The following MSRA variants were observed in gnomAD, a reference collection of about 807,000 sequenced individuals.
MSRA encodes mitochondrial peptide methionine sulfoxide reductase.
A neutral mutation model predicts 31.3 loss-of-function variants in MSRA; 54 were observed. The ratio of observed to expected loss-of-function variants is 1.73; its 90% confidence interval spans 1.39 to 2.17. The LOEUF (loss-of-function observed/expected upper bound fraction) is 2.17. Ranked by LOEUF, MSRA falls within the 30% of genes most tolerant of loss-of-function variation. MSRA has a pLI of 0.00. For synonymous variants in MSRA, 169 were observed against 116.5 expected, an observed-to-expected ratio of 1.45 and a Z score of -2.90; for missense variants, 507 against 300.9, an observed-to-expected ratio of 1.69 and a Z score of -5.07.
At chr8:10,416,787 G>A (rs2129192188) in intron 5 of MSRA, among the ~76,000 whole-genome samples, 1 of 152,358 alleles carries the variant, frequency 6.6e-6, no homozygotes, top group Admixed American at 6.5e-5. Context: ...AAACTTTGCA[G>A]GCTGTCTGAG....
chr8:10,095,620 T>C, intron 1 of MSRA: 1 of 988,920 alleles, frequency 1.0e-6, no homozygotes, highest in Non-Finnish European at 1.2e-6. Flanking sequence ...AAGGCAAGAC[T>C]TGGCACAGCT....
chr8:10,308,150 T>C (rs897726731), intron 4 of MSRA, among the ~76,000 whole-genome samples: 3 of 152,206 alleles, frequency 2.0e-5, no homozygotes, highest in South Asian at 2.1e-4. Context: ...CAAGAACTCT[T>C]GTTTAAAGTA....
intron 2 of MSRA, among the ~76,000 whole-genome samples, chr8:10,237,630 A>T (rs1015551412): frequency 6.6e-6 from 1 of 152,208 alleles, no homozygotes; most frequent in Non-Finnish European, 1.5e-5. Context: ...ATTTTGACTC[A>T]TTAAAACTAG....
At chr8:10,182,212 G>C in intron 1 of MSRA, among the ~76,000 whole-genome samples, 1 of 152,144 alleles carries the variant, frequency 6.6e-6, no homozygotes, top group East Asian at 1.9e-4. Context: ...CCCAATTCCA[G>C]ATATTCCTTT....
chr8:10,176,445 G>A (rs1806058940), intron 1 of MSRA, among the ~76,000 whole-genome samples: 1 of 152,232 alleles, frequency 6.6e-6, no homozygotes, highest in Non-Finnish European at 1.5e-5. Context: ...TGTGGTGCCA[G>A]GAGGCTTCCC....
intron 1 of MSRA, among the ~76,000 whole-genome samples, chr8:10,179,449 C>T (rs1029825105): frequency 9.2e-5 from 14 of 152,150 alleles, no homozygotes; most frequent in Non-Finnish European, 1.9e-4. Flanking sequence ...AATTATAATG[C>T]ATATTGCATC....
chr8:10,169,189 C>A (rs904301836), intron 1 of MSRA, among the ~76,000 whole-genome samples: 2 of 152,198 alleles, frequency 1.3e-5, no homozygotes, highest in African/African-American at 4.8e-5. Flanking sequence ...GTGCTTGGTA[C>A]TCCCTCACCC....
intron 4 of MSRA, among the ~76,000 whole-genome samples, chr8:10,312,239 A>G (rs555495492): frequency 3.3e-5 from 5 of 152,212 alleles, no homozygotes; most frequent in Non-Finnish European, 7.3e-5. Context: ...ATATTTCACA[A>G]TGGCTACAAA....
intron 5 of MSRA, among the ~76,000 whole-genome samples, chr8:10,351,532 G>A (rs1440729086): frequency 3.3e-5 from 5 of 152,162 alleles, no homozygotes; most frequent in East Asian, 1.9e-4. Flanking sequence ...GATTATAGGC[G>A]TGAGCCACTG....
At position 10,156,489 on chromosome 8, in the gene MSRA, T is replaced by G. The variant is rs193034496; in HGVS notation, c.143-51344T>G. Among the ~76,000 whole-genome samples the G allele has an allele frequency of 2.6e-5, 4 of 152,306 alleles. No homozygotes were observed. The East Asian group carries it at 7.7e-4, about 29-fold the overall frequency. ...GATTTGAGAAGATATTAATTCTTGGTGAATGTAGGTGGAGAGTTATCAGTA... is the reference window on the plus strand; with the variant it reads ...GATTTGAGAAGATATTAATTCTTGGGGAATGTAGGTGGAGAGTTATCAGTA... On this transcript the variant is annotated intron_variant, in intron 1 of 5. Coordinates refer to ENST00000317173, the MANE Select transcript of MSRA (RefSeq NM_012331.5).
At chr8:10,368,920 T>A (rs1398649379) in intron 5 of MSRA, among the ~76,000 whole-genome samples, 2 of 152,132 alleles carry the variant, frequency 1.3e-5, no homozygotes, top group Admixed American at 6.5e-5. Context: ...CCCCTACTGA[T>A]CTCCAAGAGC....
chr8:10,060,203 A>G (rs1802631375), intron 1 of MSRA, among the ~76,000 whole-genome samples: 1 of 152,224 alleles, frequency 6.6e-6, no homozygotes. Flanking sequence ...CAAGACTGGA[A>G]ACAACCCAGG....
At chr8:10,284,081 T>C (rs1374199423) in intron 3 of MSRA, among the ~76,000 whole-genome samples, 10 of 151,986 alleles carry the variant, frequency 6.6e-5, no homozygotes, top group Admixed American at 6.6e-4. Context: ...CTCCACACTG[T>C]TTTCCATAGT....
At chr8:10,356,250 G>A (rs2129162036) in intron 5 of MSRA, among the ~76,000 whole-genome samples, 1 of 152,362 alleles carries the variant, frequency 6.6e-6, no homozygotes, top group African/African-American at 2.4e-5. Context: ...GATCTTACAG[G>A]AAAGGCAGAC....
At chr8:10,424,912 C>G (rs1325298264) in intron 5 of MSRA, among the ~76,000 whole-genome samples, 1 of 152,202 alleles carries the variant, frequency 6.6e-6, no homozygotes, top group Admixed American at 6.5e-5. Context: ...CCCCGGGGGA[C>G]AGCGAAGGAG....
At chr8:10,291,411 G>T (rs887322351) in intron 3 of MSRA, among the ~76,000 whole-genome samples, 1 of 53,030 alleles carries the variant, frequency 1.9e-5, no homozygotes, top group African/African-American at 1.6e-4. Context: ...TGACGAATGA[G>T]ACAAAAGAAA....
chr8:10,404,511 G>A (rs1326337308), intron 5 of MSRA, among the ~76,000 whole-genome samples: 2 of 152,310 alleles, frequency 1.3e-5, no homozygotes, highest in Admixed American at 6.5e-5. Context: ...GGTGGCCCTC[G>A]CTCCTGCAAT....
intron 1 of MSRA, among the ~76,000 whole-genome samples, chr8:10,061,753 A>G (rs946815917): frequency 6.6e-6 from 1 of 152,194 alleles, no homozygotes; most frequent in Non-Finnish European, 1.5e-5. Context: ...TCCATGGGGC[A>G]TGTTCCGAGT....
intron 2 of MSRA, among the ~76,000 whole-genome samples, chr8:10,231,907 TAAAATA>T (rs57904447): frequency 0.1 from 14,434 of 144,250 alleles, 748 homozygotes; most frequent in East Asian, 0.2. Context: ...TGTCTCAAAA[TAAAATA>T]AAAATAAAAA....
Sources: allele counts gnomAD v4.1 joint callset (sites outside exome capture counted in the v4.1 genomes callset), GRCh38; gene constraint gnomAD v4.1.1; transcripts MANE v1.5; gene names NCBI Gene and HGNC (gene_info 2026-07-23, HGNC 2026-07-21).